ENTREP2: variants seen among roughly 807,000 people sequenced by gnomAD.
ENTREP2 encodes the protein protein ENTREP2.
At chr15:29,198,312 C>A in the ENTREP2 span, among the ~76,000 whole-genome samples, 1 of 152,308 alleles carries the variant, frequency 6.6e-6, no homozygotes, top group African/African-American at 2.4e-5. Context: ...TCTCCAGTCC[C>A]AGCAGGAAAC....
chr15:29,276,771 G>T, the ENTREP2 span, among the ~76,000 whole-genome samples: 1 of 152,218 alleles, frequency 6.6e-6, no homozygotes, highest in Admixed American at 6.5e-5. Flanking sequence ...CTTTGAGTTG[G>T]TTCCTGTCAC....
chr15:29,259,574 C>G, the ENTREP2 span, among the ~76,000 whole-genome samples: 1 of 152,162 alleles, frequency 6.6e-6, no homozygotes, highest in Non-Finnish European at 1.5e-5. Context: ...GGGTTTCACA[C>G]AGGCCAATCC....
chr15:29,160,392 C>A, the ENTREP2 span, among the ~76,000 whole-genome samples: 1 of 152,094 alleles, frequency 6.6e-6, no homozygotes, highest in Admixed American at 6.5e-5. Flanking sequence ...GAGGAGGCAC[C>A]GAGAGCCAGG....
At chr15:29,621,492 C>A in the ENTREP2 span, among the ~76,000 whole-genome samples, 2 of 125,716 alleles carry the variant, frequency 1.6e-5, no homozygotes, top group Non-Finnish European at 1.6e-5. Flanking sequence ...CACTGCACTC[C>A]AGCCTGGGTG....
the ENTREP2 span, among the ~76,000 whole-genome samples, chr15:29,202,766 G>C: frequency 2.0e-5 from 3 of 152,120 alleles, no homozygotes; most frequent in Admixed American, 2.0e-4. Context: ...TTAGTTTTCT[G>C]AGAAAGATGG....
chr15:29,611,331 G>A, the ENTREP2 span: 1 of 151,836 alleles, frequency 6.6e-6, no homozygotes, highest in Admixed American at 6.6e-5. Context: ...GAAACCTGGT[G>A]GGGAAACTCT....
the ENTREP2 span, among the ~76,000 whole-genome samples, chr15:29,394,297 T>C: frequency 6.6e-6 from 1 of 152,280 alleles, no homozygotes; most frequent in East Asian, 1.9e-4. Flanking sequence ...CAAAAATTTA[T>C]CTGAAGGAAA....
the ENTREP2 span, among the ~76,000 whole-genome samples, chr15:29,335,535 T>C: frequency 6.6e-6 from 1 of 152,288 alleles, no homozygotes; most frequent in Admixed American, 6.5e-5. Flanking sequence ...GAAATGCCAA[T>C]AAAAATGACC....
chr15:29,395,783 C>G, the ENTREP2 span, among the ~76,000 whole-genome samples: 1 of 152,054 alleles, frequency 6.6e-6, no homozygotes, highest in Non-Finnish European at 1.5e-5. Flanking sequence ...ATCCTCCTGC[C>G]TGGGCCTCGA....
the ENTREP2 span, among the ~76,000 whole-genome samples, chr15:29,276,425 C>T: frequency 6.6e-6 from 1 of 152,192 alleles, no homozygotes; most frequent in South Asian, 2.1e-4. Context: ...CAGCCTCTTC[C>T]CACCTTTAAA....
chr15:29,388,181 C>A, the ENTREP2 span, among the ~76,000 whole-genome samples: 1 of 152,126 alleles, frequency 6.6e-6, no homozygotes, highest in Non-Finnish European at 1.5e-5. Flanking sequence ...AGTGAACAGG[C>A]AACCTACAGA....
chr15:29,466,787 CA>C, the ENTREP2 span, among the ~76,000 whole-genome samples: 2 of 134,858 alleles, frequency 1.5e-5, no homozygotes, highest in Admixed American at 7.3e-5. Flanking sequence ...GGAGAGGGCC[CA>C]GGAGAGGACG....
the ENTREP2 span, among the ~76,000 whole-genome samples, chr15:29,331,554 T>C: frequency 6.6e-6 from 1 of 152,176 alleles, no homozygotes; most frequent in African/African-American, 2.4e-5. Flanking sequence ...TCTATCTATG[T>C]GCAACTGACA....
the ENTREP2 span, among the ~76,000 whole-genome samples, chr15:29,643,427 C>T: frequency 1.1e-3 from 163 of 152,186 alleles, no homozygotes; most frequent in African/African-American, 3.1e-3. Context: ...CCACATGAGA[C>T]GGCACTTCAC....
At chr15:29,360,205 AAC>A in the ENTREP2 span, among the ~76,000 whole-genome samples, 1 of 152,222 alleles carries the variant, frequency 6.6e-6, no homozygotes, top group East Asian at 1.9e-4. Context: ...AATTTTTTCT[AAC>A]GCTATATCTT....
At chr15:29,224,599 A>C in the ENTREP2 span, among the ~76,000 whole-genome samples, 9 of 152,166 alleles carry the variant, frequency 5.9e-5, no homozygotes, top group African/African-American at 2.2e-4. Context: ...GATTAGCTAG[A>C]TACAGAGTGT....
the ENTREP2 span, among the ~76,000 whole-genome samples, chr15:29,274,302 A>G: frequency 6.6e-6 from 1 of 152,188 alleles, no homozygotes; most frequent in African/African-American, 2.4e-5. Context: ...TCACAAATAA[A>G]CTGTCACAGG....
the ENTREP2 span, among the ~76,000 whole-genome samples, chr15:29,291,229 T>G: frequency 1.3e-5 from 2 of 152,190 alleles, no homozygotes; most frequent in Non-Finnish European, 2.9e-5. Flanking sequence ...TTTGCTACGT[T>G]AAGCCATTGA....
At chr15:29,234,528 G>T in the ENTREP2 span, 1 of 1,364,486 alleles carries the variant, frequency 7.3e-7, no homozygotes, top group Non-Finnish European at 1.0e-6. Context: ...AGGTAATATG[G>T]TATTGGTGGG....
Sources: allele counts gnomAD v4.1 joint callset (sites outside exome capture counted in the v4.1 genomes callset), GRCh38; gene constraint gnomAD v4.1.1; transcripts MANE v1.5; gene names NCBI Gene and HGNC (gene_info 2026-07-23, HGNC 2026-07-21).